TENM3: variants seen among roughly 807,000 people sequenced by gnomAD.
The protein encoded by TENM3 is teneurin transmembrane protein 3.
Under a neutral mutation model 255.1 loss-of-function variants are expected in TENM3, and 63 were observed. The observed-to-expected ratio is 0.25, with a 90% CI of 0.20 to 0.30. The LOEUF is 0.30. Ranked by LOEUF, TENM3 falls within the 10% of genes least tolerant of loss-of-function variation. The pLI, the probability that TENM3 is intolerant of heterozygous loss-of-function variation, is 1.00. For missense variants in TENM3, 2,929 were observed against 3,461.1 expected (o/e 0.85, Z 3.86); for synonymous variants, 1,306 against 1,322.3 (o/e 0.99, Z 0.27).
In TENM3 at chr4:182,680,258, G is replaced by A. The variant is rs1290369242; in HGVS notation, c.1548G>A (p.Val516=). The A allele has an allele frequency of 6.2e-7, 1 of 1,612,382 alleles. No homozygotes were observed. The highest frequency in any genetic ancestry group is 1.7e-5 in the Admixed American group (1 of 60,008). Residue 516 remains valine (V), a synonymous_variant, in exon 9 of 28, where the codon GTG becomes GTA. Transcript: ENST00000511685. ...SFNTIVIESV[V]ECPRNCHGNG... The stretch of plus-strand genomic sequence containing the variant: ...TTCCTTTTTCTTCAGAGTCTGTGGT[G>A]GAATGTCCCCGAAATTGCCATGGAA...
intron 1 of TENM3, among the ~76,000 whole-genome samples, chr4:182,232,507 C>T (rs1329921396): frequency 6.6e-6 from 1 of 152,136 alleles, no homozygotes; most frequent in African/African-American, 2.4e-5. Context: ...GGGCGGATTA[C>T]AAGGTCAAGA....
At chr4:181,878,590 CT>C in the TENM3 span, among the ~76,000 whole-genome samples, 20 of 152,160 alleles carry the variant, frequency 1.3e-4, no homozygotes, top group Non-Finnish European at 2.2e-4. Flanking sequence ...CCCAAAGAAA[CT>C]TTTTTTCCTA....
chr4:182,456,391 A>G (rs527250327), intron 3 of TENM3, among the ~76,000 whole-genome samples: 2 of 152,332 alleles, frequency 1.3e-5, no homozygotes, highest in East Asian at 3.9e-4. Flanking sequence ...GCTTCTCTGA[A>G]GACCTTTTGG....
intron 1 of TENM3, among the ~76,000 whole-genome samples, chr4:182,183,519 A>G (rs1211842903): frequency 2.6e-5 from 4 of 152,206 alleles, no homozygotes; most frequent in Non-Finnish European, 5.9e-5. Flanking sequence ...CGTGAACTCA[A>G]GGGAAGTCTC....
the TENM3 span, among the ~76,000 whole-genome samples, chr4:182,126,861 TCCCCATCCCCA>T: frequency 6.6e-6 from 1 of 152,124 alleles, no homozygotes; most frequent in African/African-American, 2.4e-5. Context: ...GCCCAAGAAC[TCCCCATCCCCA>T]CCCCATCCTC....
rs528375670 is a variant in TENM3 at position 182,790,952 on chromosome 4, G to A, written c.5602-1322G>A. On this transcript the variant is annotated intron_variant, in intron 25 of 27. Coordinates refer to ENST00000511685, the MANE Select transcript of TENM3 (RefSeq NM_001080477.4). ...GGAGGATCAGAAAAGACAACAGACAGATCTTTCTCATCGTCTCTCCCAAAA... is the reference window on the plus strand; with the variant it reads ...GGAGGATCAGAAAAGACAACAGACAAATCTTTCTCATCGTCTCTCCCAAAA... Among the ~76,000 whole-genome samples, 3 of 152,218 alleles carry A rather than the reference G, an allele frequency of 2.0e-5. No homozygotes were observed. The East Asian group carries it at 5.8e-4, about 29-fold the overall frequency.
chr4:181,604,091 C>T, the TENM3 span, among the ~76,000 whole-genome samples: 2 of 152,080 alleles, frequency 1.3e-5, no homozygotes, highest in East Asian at 3.9e-4. Flanking sequence ...GGTGAAACCC[C>T]GTCTCTACTA....
intron 5 of TENM3, among the ~76,000 whole-genome samples, chr4:182,642,907 A>G (rs1184346516): frequency 6.6e-6 from 1 of 152,238 alleles, no homozygotes. Flanking sequence ...TTGAAATAAT[A>G]TTAGCCTTAA....
chr4:182,242,460 C>T (rs1432388590), upstream of TENM3, among the ~76,000 whole-genome samples: 3 of 151,968 alleles, frequency 2.0e-5, no homozygotes, highest in Non-Finnish European at 4.4e-5. Flanking sequence ...GTCAATTTGC[C>T]TTCTTAAAAC....
chr4:182,659,541 A>G (rs1754043125), intron 6 of TENM3, among the ~76,000 whole-genome samples: 1 of 152,196 alleles, frequency 6.6e-6, no homozygotes, highest in Non-Finnish European at 1.5e-5. Context: ...TTCCTATATT[A>G]GGAAATGGCA....
the TENM3 span, among the ~76,000 whole-genome samples, chr4:182,135,204 CAAAAAAAAAAAAAAA>C: frequency 7.4e-5 from 6 of 81,564 alleles, no homozygotes; most frequent in East Asian, 2.5e-3. Context: ...GACTCGGTCT[CAAAAAAAAAAAAAAA>C]AAAAAAAAAA....
chr4:182,728,479 C>G lies in TENM3; in HGVS notation c.2369-486C>G, dbSNP rs549192459. ...CAGCCATCTCTAATCCAAATATTTA[C>G]TCTCTATGAAGGCAGATGCAAGTAG... On this transcript the variant is annotated intron_variant, in intron 13 of 27. Transcript: ENST00000511685. Among the ~76,000 whole-genome samples, 114 of 152,332 alleles carry G rather than the reference C, an allele frequency of 7.5e-4. 1 individual carries two copies. The highest frequency in any genetic ancestry group is 1.6e-3 in the Admixed American group (25 of 15,294).
rs111669643 is a variant in TENM3, at chr4:182,719,502, G to GC, written c.2368+5275dup. Among the ~76,000 whole-genome samples the GC allele has an allele frequency of 1.6e-3, 239 of 151,722 alleles. 5 individuals are homozygous for GC. The South Asian group carries it at 0.021, about 13-fold the overall frequency. ...TCTCGAACTCCTGACCTTGTGATCC[G>GC]CCCCCCTCGGCCTCCCAAAGTGCTG... On this transcript the variant is annotated intron_variant, in intron 13 of 27. Coordinates refer to ENST00000511685, the MANE Select transcript of TENM3 (RefSeq NM_001080477.4).
At chr4:181,694,009 C>A in the TENM3 span, among the ~76,000 whole-genome samples, 55 of 152,222 alleles carry the variant, frequency 3.6e-4, no homozygotes, top group African/African-American at 1.1e-3. Context: ...TTCTTAATCC[C>A]ACTAAGCTTT....
chr4:182,246,068 G>A (rs1757622725), intron 1 of TENM3, among the ~76,000 whole-genome samples: 1 of 152,134 alleles, frequency 6.6e-6, no homozygotes, highest in African/African-American at 2.4e-5. Flanking sequence ...CTCTTATGTT[G>A]AACAAACAGA....
At chr4:182,378,831 C>T (rs1767365486) in intron 3 of TENM3, among the ~76,000 whole-genome samples, 1 of 152,150 alleles carries the variant, frequency 6.6e-6, no homozygotes, top group Non-Finnish European at 1.5e-5. Context: ...GAGACATGAT[C>T]CAACTTGCCT....
intron 1 of TENM3, among the ~76,000 whole-genome samples, chr4:182,307,751 A>G (rs551095882): frequency 7.2e-5 from 11 of 152,314 alleles, no homozygotes; most frequent in African/African-American, 2.6e-4. Flanking sequence ...ACTTACTCCA[A>G]ATTGTTGTTG....
At chr4:182,072,886 A>G in the TENM3 span, among the ~76,000 whole-genome samples, 1 of 152,194 alleles carries the variant, frequency 6.6e-6, no homozygotes, top group African/African-American at 2.4e-5. Flanking sequence ...ACATGACAGT[A>G]TTTGGAAATA....
intron 3 of TENM3, among the ~76,000 whole-genome samples, chr4:182,505,484 T>C (rs1211889036): frequency 6.6e-6 from 1 of 152,118 alleles, no homozygotes; most frequent in Admixed American, 6.5e-5. Flanking sequence ...TTACTATTAC[T>C]ATTATTTTTT....
Sources: gnomAD v4.1 joint callset for allele counts (sites outside exome capture counted in the v4.1 genomes callset) on GRCh38, gnomAD v4.1.1 for gene constraint, MANE v1.5 for transcripts, NCBI Gene and HGNC (gene_info 2026-07-23, HGNC 2026-07-21) for gene names.